The following POTEB variants were observed in gnomAD, a reference collection of about 807,000 sequenced individuals.
POTEB encodes the protein ANKRD26-like family B, member 1.
At chr15:21,855,092 T>C (rs1300897959) in intron 9 of POTEB, among the ~76,000 whole-genome samples, 3 of 147,918 alleles carry the variant, frequency 2.0e-5, no homozygotes, top group Non-Finnish European at 4.5e-5. Flanking sequence ...ATAATCTTAT[T>C]TTACAAATGA....
At chr15:21,859,110 TG>T (rs1165390768) in intron 7 of POTEB, among the ~76,000 whole-genome samples, 2 of 33,898 alleles carry the variant, frequency 5.9e-5, no homozygotes, top group Non-Finnish European at 1.0e-4. Flanking sequence ...AATATGTTTT[TG>T]CCTCTATTCC....
intron 9 of POTEB, among the ~76,000 whole-genome samples, chr15:21,854,648 A>C (rs1595404026): frequency 6.7e-6 from 1 of 149,668 alleles, no homozygotes; most frequent in East Asian, 1.9e-4. Flanking sequence ...AGTTCTTTTA[A>C]GGACATCATA....
intron 9 of POTEB, among the ~76,000 whole-genome samples, chr15:21,855,143 T>A (rs1210978205): frequency 6.7e-6 from 1 of 148,422 alleles, no homozygotes. Context: ...AAAAATATGG[T>A]GAGGTGAATA....
chr15:21,866,646 AGAAGAAACAAAC>A (rs1221603978), intron 5 of POTEB, among the ~76,000 whole-genome samples: 6 of 44 alleles, frequency 0.14, no homozygotes, highest in African/African-American at 0.14. Flanking sequence ...GTAGCAAAGA[AGAAGAAACAAAC>A]ACTGATCTCT....
At chr15:21,855,188 G>A (rs1889856574) in intron 9 of POTEB, among the ~76,000 whole-genome samples, 2 of 148,364 alleles carry the variant, frequency 1.3e-5, no homozygotes, top group South Asian at 2.2e-4. Flanking sequence ...GAAAGATACT[G>A]TCACACATGC....
chr15:21,855,266 T>G (rs1248998759), intron 9 of POTEB, among the ~76,000 whole-genome samples: 9 of 148,410 alleles, frequency 6.1e-5, no homozygotes, highest in African/African-American at 2.0e-4. Flanking sequence ...GGTCAGCAAA[T>G]TAGCACCTGT....
intron 5 of POTEB, 97 bp from the exon 6 acceptor site, chr15:21,865,183 CATA>C (rs1244810613): frequency 7.2e-5 from 3 of 41,630 alleles, no homozygotes; most frequent in Non-Finnish European, 1.3e-4. Flanking sequence ...CAAACAATAT[CATA>C]ATATCAGAAT....
intron 9 of POTEB, among the ~76,000 whole-genome samples, chr15:21,850,875 ATATATG>A (rs1443410149): frequency 1.5e-3 from 8 of 5,506 alleles, no homozygotes; most frequent in Non-Finnish European, 2.8e-3. Flanking sequence ...ATATATATAT[ATATATG>A]TATGTATACC....
Position 21,853,246 on chromosome 15 carries a change from G to T in POTEB, c.1298+3546C>A, listed in dbSNP as rs1196919932. On this transcript the variant is annotated intron_variant, in intron 9 of 10. Coordinates refer to ENST00000439682, the MANE Select transcript of POTEB (RefSeq NM_001277304.2). ...GAAAGGGGGTTTTAAATAAAGAAGTGAAGGAATGGAAAGAGAAAGCTAGGA... is the reference window on the plus strand; with the variant it reads ...GAAAGGGGGTTTTAAATAAAGAAGTTAAGGAATGGAAAGAGAAAGCTAGGA... 2.0e-3 allele frequency among the ~76,000 whole-genome samples: 23 copies of T among 11,372 alleles called. 10 individuals carry two copies. Among genetic ancestry groups the T allele is most frequent in the African/African-American group, 2.2e-3 (23 of 10,666 alleles). The allele number at this position is 11,372 out of a possible 152,430, so 7.5% of individuals were successfully genotyped here. A position where few individuals can be genotyped will look rare whatever the true frequency, so the allele number is the denominator to read the frequency against.
chr15:21,870,345 G>T (rs1258155033), intron 3 of POTEB, among the ~76,000 whole-genome samples: 2 of 72,248 alleles, frequency 2.8e-5, no homozygotes, highest in African/African-American at 4.5e-5. Flanking sequence ...GGGACGTCAA[G>T]GCTGTGGTGA....
At chr15:21,855,153 A>G (rs1203180298) in intron 9 of POTEB, among the ~76,000 whole-genome samples, 2 of 148,468 alleles carry the variant, frequency 1.3e-5, no homozygotes, top group Non-Finnish European at 3.0e-5. Flanking sequence ...TGAGGTGAAT[A>G]CCAAAATATA....
At chr15:21,871,426 C>CA (rs754018808) in intron 3 of POTEB, among the ~76,000 whole-genome samples, 1 of 24,648 alleles carries the variant, frequency 4.1e-5, no homozygotes, top group African/African-American at 8.5e-5. Flanking sequence ...AAAACAAAAA[C>CA]AAAAAAAAAC....
chr15:21,854,413 A>G (rs1406291615), intron 9 of POTEB, among the ~76,000 whole-genome samples: 1 of 149,762 alleles, frequency 6.7e-6, no homozygotes, highest in Non-Finnish European at 1.5e-5. Flanking sequence ...TGAGGTCCTG[A>G]AAGCCAAGTG....
In POTEB at chr15:21,847,325, A is replaced by G. The variant is rs1201413204; in HGVS notation, c.1423-765T>C. On this transcript the variant is annotated intron_variant, in intron 10 of 10. Transcript: ENST00000439682. ...TGCACTCCAGCGTGGGTGACAGTGC[A>G]AGACTCCATCTAGAATACACACACA... Among the ~76,000 whole-genome samples, 20 of 67,086 alleles carry G rather than the reference A, an allele frequency of 3.0e-4. 3 individuals are homozygous for G. Among genetic ancestry groups the G allele is most frequent in the African/African-American group, 8.2e-4 (17 of 20,732 alleles). 44.0% of individuals were successfully genotyped at this position (67,086 alleles called of 152,430 possible). A position where few individuals can be genotyped will look rare whatever the true frequency, so the allele number is the denominator to read the frequency against.
rs1378742867 is a variant in POTEB, at chr15:21,871,404, C to CACACACAA, written c.699+602_699+603insTTGTGTGT. Among the ~76,000 whole-genome samples the CACACACAA allele has an allele frequency of 2.9e-3, 55 of 19,280 alleles. 9 individuals carry two copies. The highest frequency in any genetic ancestry group is 5.2e-3 in the African/African-American group (41 of 7,856). The allele number at this position is 19,280 out of a possible 152,430, so 12.6% of individuals were successfully genotyped here. The stretch of plus-strand genomic sequence containing the variant: ...ACACACACACACACACACACACACA[C>CACACACAA]AAACAAAAACAAAAACAAAAACAAA... On this transcript the variant is annotated intron_variant, in intron 3 of 10. Transcript: ENST00000439682.
At chr15:21,854,410 C>A (rs1355612959) in intron 9 of POTEB, among the ~76,000 whole-genome samples, 8 of 149,600 alleles carry the variant, frequency 5.3e-5, no homozygotes, top group Non-Finnish European at 8.9e-5. Context: ...GAGTGAGGTC[C>A]TGAAAGCCAA....
chr15:21,850,167 A>AAAATAAAT lies in POTEB; in HGVS notation c.1299-1853_1299-1846dup, dbSNP rs376532647. Among the ~76,000 whole-genome samples the AAAATAAAT allele has an allele frequency of 3.7e-3, 191 of 51,062 alleles. 2 individuals are homozygous for AAAATAAAT. Among genetic ancestry groups the AAAATAAAT allele is most frequent in the East Asian group, 5.2e-3 (12 of 2,300 alleles). The allele number at this position is 51,062 out of a possible 152,430, so 33.5% of individuals were successfully genotyped here. On this transcript the variant is annotated intron_variant, in intron 9 of 10. Transcript: ENST00000439682. ...CCTGAAAGCAAAAGCAACAAAAATA[A>AAAATAAAT]AAATAAATAAATAAATAAATAAATA...
chr15:21,871,406 A>ACAC (rs1890101978), intron 3 of POTEB, among the ~76,000 whole-genome samples: 1 of 18,968 alleles, frequency 5.3e-5, no homozygotes, highest in African/African-American at 1.1e-4. Flanking sequence ...CACACACACA[A>ACAC]ACAAAAACAA....
rs1348542153 is a variant in POTEB, at chr15:21,847,296, C to A, written c.1423-736G>T. Among the ~76,000 whole-genome samples the A allele has an allele frequency of 1.8e-4, 12 of 68,264 alleles. No homozygotes were observed. In the East Asian group the frequency reaches 4.3e-3, roughly 24 times the overall value. 44.8% of individuals were successfully genotyped at this position (68,264 alleles called of 152,430 possible). On this transcript the variant is annotated intron_variant, in intron 10 of 10. Transcript: ENST00000439682. ...GAGGTTGCAGTGAACTGAGTTTGTG[C>A]CATTGCACTCCAGCGTGGGTGACAG...
Sources: gnomAD v4.1 joint callset for allele counts (sites outside exome capture counted in the v4.1 genomes callset) on GRCh38, gnomAD v4.1.1 for gene constraint, MANE v1.5 for transcripts, NCBI Gene and HGNC (gene_info 2026-07-23, HGNC 2026-07-21) for gene names.